Variants in NMUR2 observed in about 807,000 individuals in gnomAD.
NMUR2 encodes neuromedin U receptor 2, also known as neuromedin-U receptor 2.
A neutral mutation model predicts 25.1 loss-of-function variants in NMUR2; 24 were observed. The observed-to-expected ratio is 0.96, with a 90% confidence interval of 0.69 to 1.34. The LOEUF is 1.34. Ranked by LOEUF, NMUR2 falls within the 40% of genes most tolerant of loss-of-function variation. NMUR2 has a pLI of 0.00. For synonymous variants in NMUR2, 218 were observed against 208.1 expected, an observed-to-expected ratio of 1.05 and a Z score of -0.41; for missense variants, 533 against 512.8, an observed-to-expected ratio of 1.04 and a Z score of -0.38.
intron 3 of NMUR2, among the ~76,000 whole-genome samples, chr5:152,394,563 A>G (rs373579705): frequency 6.6e-6 from 1 of 152,224 alleles, no homozygotes; most frequent in African/African-American, 2.4e-5. Flanking sequence ...CTGAGAAAGA[A>G]GAAACTAGGT....
At position 152,395,455 on chromosome 5, in the gene NMUR2, T is replaced by A. The variant is rs1275327006; in HGVS notation, c.937+4A>T. On this transcript the variant is annotated splice_donor_region_variant and intron_variant, in intron 3 of 3. Coordinates refer to ENST00000255262, the MANE Select transcript of NMUR2 (RefSeq NM_020167.5). ...TCATGCACCAAATCCAGCTAAGGTT[T>A]TACCTGACACCACATGGACGAGGTT... The A allele has an allele frequency of 1.9e-6, 3 of 1,613,216 alleles. No individual in the cohort carries two copies. Among genetic ancestry groups the A allele is most frequent in the Non-Finnish European group, 2.5e-6 (3 of 1,179,538 alleles).
intron 1 of NMUR2, among the ~76,000 whole-genome samples, chr5:152,398,810 T>C (rs1753207893): frequency 6.6e-6 from 1 of 152,120 alleles, no homozygotes; most frequent in African/African-American, 2.4e-5. Flanking sequence ...CAAACACAAA[T>C]TGGGAAATGT....
intron 2 of NMUR2, among the ~76,000 whole-genome samples, chr5:152,396,840 C>T (rs981322635): frequency 6.6e-6 from 1 of 151,802 alleles, no homozygotes; most frequent in African/African-American, 2.4e-5. Context: ...TACAGTGAGC[C>T]GAGATGCCAC....
chr5:152,396,481 C>T (rs1219594124), intron 2 of NMUR2, among the ~76,000 whole-genome samples: 6 of 152,126 alleles, frequency 3.9e-5, no homozygotes. Context: ...TGGCATTAAA[C>T]ACATTCAGAG....
Position 152,405,150 on chromosome 5 carries a change from T to C in NMUR2, c.-37A>G. 6.6e-7 allele frequency: 1 copy of C among 1,520,336 alleles called. No individual in the cohort carries two copies. The highest frequency in any genetic ancestry group is 1.3e-5 in the South Asian group (1 of 77,956). 94.2% of individuals were successfully genotyped at this position (1,520,336 alleles called of 1,614,324 possible). On this transcript the variant is annotated 5_prime_UTR_variant, in exon 1 of 4. Coordinates refer to ENST00000255262, the MANE Select transcript of NMUR2 (RefSeq NM_020167.5). ...GCCTGAGCCTCCCCTGGTACGAGGC[T>C]CTGTTTCAAGCTGAGCCAGGAAAAA...
intron 2 of NMUR2, among the ~76,000 whole-genome samples, chr5:152,396,326 G>C (rs1335194246): frequency 6.6e-6 from 1 of 152,032 alleles, no homozygotes; most frequent in African/African-American, 2.4e-5. Context: ...GGAGAGATAA[G>C]GGTATACATG....
At chr5:152,403,498 A>G (rs914301427) in intron 1 of NMUR2, among the ~76,000 whole-genome samples, 5 of 152,100 alleles carry the variant, frequency 3.3e-5, no homozygotes, top group Non-Finnish European at 7.4e-5. Context: ...TCTGAAAAAG[A>G]AATCAGTTTA....
Position 152,395,505 on chromosome 5 carries a change from C to T in NMUR2, c.891G>A (p.Trp297Ter), listed in dbSNP as rs1372818327. The change falls in exon 3 of 4, where the codon TGG (tryptophan) becomes TGA (stop). Residue 297 changes from tryptophan to a stop codon, truncating the protein, a stop_gained. Transcript: ENST00000255262. LOFTEE classifies it low-confidence loss of function (END_TRUNC). ...TGAACACAGCAGCCAGGGATTCACT[C>T]CACTCCTCCACAAAGCTGAAGAAGA... Reference protein sequence around the residue: ...DRLFFSFVEEWSESLAAVFNL... With the variant: ...DRLFFSFVEE 1.2e-6 allele frequency: 2 copies of T among 1,613,596 alleles called. No individual in the cohort carries two copies. Among genetic ancestry groups the T allele is most frequent in the Admixed American group, 3.3e-5 (2 of 59,930 alleles).
In NMUR2 at chr5:152,405,218, C is replaced by G. The variant is rs1753340195; in HGVS notation, c.-105G>C. 7.5e-7 allele frequency: 1 copy of G among 1,341,602 alleles called. No homozygotes were observed. The highest frequency in any genetic ancestry group is 1.5e-5 in the African/African-American group (1 of 68,288). 83.1% of individuals were successfully genotyped at this position (1,341,602 alleles called of 1,614,324 possible). ...AGGAAAACAAAAAAGAGAAAGCAGT[C>G]ACGAAAGTCACAGGCTTCGTAAGGA... On this transcript the variant is annotated 5_prime_UTR_variant, in exon 1 of 4. Coordinates refer to ENST00000255262, the MANE Select transcript of NMUR2 (RefSeq NM_020167.5).
At position 152,405,166 on chromosome 5, in the gene NMUR2, C is replaced by G. The variant is rs1753337572; in HGVS notation, c.-53G>C. On this transcript the variant is annotated 5_prime_UTR_variant, in exon 1 of 4. Transcript: ENST00000255262. ...GTACGAGGCTCTGTTTCAAGCTGAG[C>G]CAGGAAAAAAAAAAAAAAAAGAAAA... 7 of 1,378,576 alleles carry G rather than the reference C, an allele frequency of 5.1e-6. No homozygotes were observed. In the Middle Eastern group the frequency reaches 6.7e-4, roughly 132 times the overall value. The allele number at this position is 1,378,576 out of a possible 1,614,324, so 85.4% of individuals were successfully genotyped here.
At chr5:152,394,825 A>G (rs1753121786) in intron 3 of NMUR2, among the ~76,000 whole-genome samples, 1 of 145,802 alleles carries the variant, frequency 6.9e-6, no homozygotes, top group Non-Finnish European at 1.5e-5. Flanking sequence ...CCATCAGTCC[A>G]TGGTTTGTGT....
At position 152,395,497 on chromosome 5, in the gene NMUR2, G is replaced by A. The variant is rs1189083263; in HGVS notation, c.899C>T (p.Ser300Phe). Residue 300 changes from serine to phenylalanine, a missense_variant, in exon 3 of 4, where the codon TCC (serine) becomes TTC (phenylalanine). By Grantham distance (155) the Ser-to-Phe change is radical. Coordinates refer to ENST00000255262, the MANE Select transcript of NMUR2 (RefSeq NM_020167.5). ...GACGAGGTTGAACACAGCAGCCAGGGATTCACTCCACTCCTCCACAAAGCT... is the reference window on the plus strand; with the variant it reads ...GACGAGGTTGAACACAGCAGCCAGGAATTCACTCCACTCCTCCACAAAGCT... ...FFSFVEEWSE[S>F]LAAVFNLVHV... The A allele has an allele frequency of 1.2e-6, 2 of 1,613,512 alleles. No homozygotes were observed. Among genetic ancestry groups the A allele is most frequent in the East Asian group, 2.2e-5 (1 of 44,864 alleles).
intron 3 of NMUR2, 73 bp from the exon 4 acceptor site, chr5:152,392,574 T>G: frequency 8.1e-7 from 1 of 1,234,194 alleles, no homozygotes; most frequent in South Asian, 1.4e-5. Context: ...GAAGCATAAA[T>G]ATTTACAAAG....
Position 152,391,851 on chromosome 5 carries a change from TG to T in NMUR2, c.*339del. 5.0e-6 allele frequency: 1 copy of T among 199,084 alleles called. No individual in the cohort carries two copies. Among genetic ancestry groups the T allele is most frequent in the South Asian group, 1.0e-4 (1 of 9,856 alleles). 12.3% of individuals were successfully genotyped at this position (199,084 alleles called of 1,614,324 possible). A position where few individuals can be genotyped will look rare whatever the true frequency, so the allele number is the denominator to read the frequency against. ...GCCATTGGTAGTAGGAGTGACAGCC[TG>T]ACTCGGAACGTAGATGACTCAGGAC... On this transcript the variant is annotated 3_prime_UTR_variant, in exon 4 of 4. Coordinates refer to ENST00000255262, the MANE Select transcript of NMUR2 (RefSeq NM_020167.5).
chr5:152,395,754 T>C (rs1042659683), intron 2 of NMUR2, among the ~76,000 whole-genome samples, 170 bp from the exon 3 acceptor site: 1 of 150,692 alleles, frequency 6.6e-6, no homozygotes, highest in African/African-American at 2.4e-5. Flanking sequence ...ACAAAACACT[T>C]AAAACACAAG....
In NMUR2 at chr5:152,392,399, T is replaced by C; in HGVS notation, c.1040A>G (p.Lys347Arg). 2 of 1,614,000 alleles carry C rather than the reference T, an allele frequency of 1.2e-6. No individual in the cohort carries two copies. Among genetic ancestry groups the C allele is most frequent in the Non-Finnish European group, 1.7e-6 (2 of 1,179,918 alleles). ...AFQNVISSFH[K>R]QWHSQHDPQL... is the part of the protein sequence containing the mutation. Reference sequence around the variant, plus strand: ...TGGGTCATGCTGGGAGTGCCACTGTTTGTGGAAAGAAGAGATCACATTCTG... The same window carrying C: ...TGGGTCATGCTGGGAGTGCCACTGTCTGTGGAAAGAAGAGATCACATTCTG... Residue 347 changes from lysine (K) to arginine (R), a missense_variant, in exon 4 of 4, where the codon AAA (lysine) becomes AGA (arginine). Transcript: ENST00000255262.
Position 152,405,091 on chromosome 5 carries a change from T to G in NMUR2, c.23A>C (p.Gln8Pro), listed in dbSNP as rs757199693. 6 of 1,609,590 alleles carry G rather than the reference T, an allele frequency of 3.7e-6. No homozygotes were observed. In the South Asian group the frequency reaches 6.6e-5, roughly 18 times the overall value. The change falls in exon 1 of 4, where the codon CAG (glutamine) becomes CCG (proline). Residue 8 changes from glutamine (Q) to proline (P), a missense_variant. Physicochemically the swap from Gln to Pro is moderately conservative, Grantham distance 76 (BLOSUM62 -1). Coordinates refer to ENST00000255262, the MANE Select transcript of NMUR2 (RefSeq NM_020167.5). MSGMEKL[Q>P]NASWIYQQKL... ...CTGCTGGTAGATCCAGGAAGCATTC[T>G]GAAGTTTTTCCATCCCTGACATTAA...
At position 152,405,192 on chromosome 5, in the gene NMUR2, A is replaced by G; in HGVS notation, c.-79T>C. The G allele has an allele frequency of 6.9e-7, 1 of 1,449,834 alleles. No individual in the cohort carries two copies. Among genetic ancestry groups the G allele is most frequent in the Non-Finnish European group, 9.2e-7 (1 of 1,082,400 alleles). 89.8% of individuals were successfully genotyped at this position (1,449,834 alleles called of 1,614,324 possible). ...CAGGAAAAAAAAAAAAAAAAGAAAA[A>G]AGGAAAACAAAAAAGAGAAAGCAGT... On this transcript the variant is annotated 5_prime_UTR_variant, in exon 1 of 4. Coordinates refer to ENST00000255262, the MANE Select transcript of NMUR2 (RefSeq NM_020167.5).
rs1561696576 is a variant in NMUR2, at chr5:152,395,060, T to A, written c.937+399A>T. 2.6e-5 allele frequency among the ~76,000 whole-genome samples: 4 copies of A among 152,162 alleles called. No homozygotes were observed. The South Asian group carries it at 8.3e-4, about 32-fold the overall frequency. On this transcript the variant is annotated intron_variant, in intron 3 of 3. Transcript: ENST00000255262. ...CCTAAAAGGAGAACTTGATTACCTA[T>A]GAATACCATTTAGTTTTCCTTCATG...
Sources: gnomAD v4.1 joint callset for allele counts (sites outside exome capture counted in the v4.1 genomes callset) on GRCh38, gnomAD v4.1.1 for gene constraint, MANE v1.5 for transcripts, NCBI Gene and HGNC (gene_info 2026-07-23, HGNC 2026-07-21) for gene names.